Variants in MYO9B observed in about 807,000 individuals in gnomAD.
MYO9B encodes the protein unconventional myosin-IXb.
A neutral mutation model predicts 229.5 loss-of-function variants in MYO9B; 71 were observed. That is an observed-to-expected ratio of 0.31 (90% CI 0.26 to 0.38). MYO9B has a LOEUF of 0.38. MYO9B is among the 10% of genes least tolerant of loss of function. The pLI, the probability that MYO9B is intolerant of heterozygous loss-of-function variation, is 1.00. For missense variants in MYO9B, 2,255 were observed against 2,920.5 expected (o/e 0.77, Z 5.25); for synonymous variants, 1,185 against 1,235.8 (o/e 0.96, Z 0.86).
At chr19:17,142,902 A>G (rs2072359275) in intron 2 of MYO9B, among the ~76,000 whole-genome samples, 1 of 152,284 alleles carries the variant, frequency 6.6e-6, no homozygotes, top group African/African-American at 2.4e-5. Context: ...GTTACAACTG[A>G]AAAGAATTCA....
In MYO9B at chr19:17,207,199, A is replaced by G; in HGVS notation, c.5579A>G (p.Asn1860Ser). ...FAPCLLRCPD[N>S]SDPLTSMKDV... ...CCCTGCCTCCTGCGCTGCCCTGACAACTCGGACCCGCTGACCAGCATGAAG... is the reference window on the plus strand; with the variant it reads ...CCCTGCCTCCTGCGCTGCCCTGACAGCTCGGACCCGCTGACCAGCATGAAG... Residue 1860 changes from asparagine to serine, a missense_variant, in exon 35 of 40, where the codon AAC (asparagine) becomes AGC (serine). Around this residue, in one of 7 missense-constraint regions of MYO9B, gnomAD observed 416 missense variants for 605.5 expected, o/e 0.69. Coordinates refer to ENST00000682292, the MANE Select transcript of MYO9B (RefSeq NM_004145.4). 1 of 1,602,396 alleles carries G rather than the reference A, an allele frequency of 6.2e-7. No individual in the cohort carries two copies. Among genetic ancestry groups the G allele is most frequent in the Non-Finnish European group, 8.5e-7 (1 of 1,175,640 alleles).
chr19:17,183,639 C>T (rs2072885137), intron 15 of MYO9B, 190 bp from the exon 16 acceptor site: 1 of 584,132 alleles, frequency 1.7e-6, no homozygotes, highest in South Asian at 2.1e-5. Flanking sequence ...TGTCCACAGA[C>T]AGTGGCTGAG....
chr19:17,205,375 C>G (rs764259088), intron 31 of MYO9B, 39 bp downstream of exon 31: 2 of 1,577,916 alleles, frequency 1.3e-6, no homozygotes, highest in South Asian at 2.2e-5. Flanking sequence ...CAATGACACT[C>G]CACTCACGGC....
intron 38 of MYO9B, 42 bp from the exon 39 acceptor site, chr19:17,211,605 C>G (rs1214031138): frequency 6.5e-7 from 1 of 1,539,750 alleles, no homozygotes; most frequent in African/African-American, 1.4e-5. Flanking sequence ...CCCAGCACTT[C>G]CGGTGGGGTG....
intron 1 of MYO9B, among the ~76,000 whole-genome samples, chr19:17,081,556 C>A (rs973153722): frequency 1.3e-5 from 2 of 152,070 alleles, no homozygotes; most frequent in African/African-American, 4.8e-5. Context: ...CGCCTGTAAT[C>A]CCAGCACTTT....
intron 2 of MYO9B, among the ~76,000 whole-genome samples, chr19:17,120,095 T>C (rs1312481045): frequency 6.6e-6 from 1 of 151,510 alleles, no homozygotes; most frequent in Non-Finnish European, 1.5e-5. Flanking sequence ...CCATGATATG[T>C]CAAAGGCAGG....
At chr19:17,081,810 C>CAAA (rs5827357) in intron 1 of MYO9B, among the ~76,000 whole-genome samples, 4 of 69,884 alleles carry the variant, frequency 5.7e-5, no homozygotes, top group Admixed American at 1.7e-4. Context: ...GATCCCATCT[C>CAAA]AAAAAAAAAA....
chr19:17,118,660 T>G (rs2057931510), intron 2 of MYO9B, among the ~76,000 whole-genome samples: 1 of 152,022 alleles, frequency 6.6e-6, no homozygotes, highest in South Asian at 2.1e-4. Flanking sequence ...TTTTGTATTT[T>G]TTGGTAGAGA....
intron 8 of MYO9B, among the ~76,000 whole-genome samples, chr19:17,161,273 G>T (rs568874827): frequency 6.6e-6 from 1 of 152,236 alleles, no homozygotes; most frequent in South Asian, 2.1e-4. Context: ...GGAGCGTATG[G>T]AAAGGCTTCA....
intron 2 of MYO9B, among the ~76,000 whole-genome samples, chr19:17,114,813 A>G (rs1357509478): frequency 6.6e-6 from 1 of 151,954 alleles, no homozygotes; most frequent in African/African-American, 2.4e-5. Flanking sequence ...CCAGCAGGAA[A>G]CAAGTCAAGA....
chr19:17,160,997 AT>A lies in MYO9B; in HGVS notation c.1420-1339del, dbSNP rs751740995. On this transcript the variant is annotated intron_variant, in intron 8 of 39. Transcript: ENST00000682292. The stretch of plus-strand genomic sequence containing the variant: ...TACAGGCGTGAGCCACGGTGCCCAG[AT>A]TTTTTTTTTTTTTCCTTTTGCATCT... Among the ~76,000 whole-genome samples the A allele has an allele frequency of 1.5e-3, 208 of 141,488 alleles. 1 individual carries two copies. Among genetic ancestry groups the A allele is most frequent in the South Asian group, 4.0e-3 (18 of 4,516 alleles). 92.8% of individuals were successfully genotyped at this position (141,488 alleles called of 152,430 possible).
At chr19:17,190,567 G>C (rs986014266) in intron 19 of MYO9B, among the ~76,000 whole-genome samples, 1 of 150,930 alleles carries the variant, frequency 6.6e-6, no homozygotes, top group African/African-American at 2.4e-5. Context: ...GAGCCCAGGA[G>C]GTCAAGGCTG....
At chr19:17,143,531 C>G (rs1446779915) in intron 2 of MYO9B, among the ~76,000 whole-genome samples, 3 of 152,172 alleles carry the variant, frequency 2.0e-5, no homozygotes, top group African/African-American at 7.2e-5. Context: ...TTCTCACTTT[C>G]AAGTGGGAGC....
At chr19:17,143,376 C>T (rs1227049046) in intron 2 of MYO9B, among the ~76,000 whole-genome samples, 1 of 152,194 alleles carries the variant, frequency 6.6e-6, no homozygotes, top group Admixed American at 6.5e-5. Context: ...TTATAGCCTA[C>T]TGTCTTGGGG....
At position 17,172,897 on chromosome 19, in the gene MYO9B, A is replaced by C; in HGVS notation, c.2074A>C (p.Ile692Leu). 6.2e-7 allele frequency: 1 copy of C among 1,602,600 alleles called. No homozygotes were observed. Among genetic ancestry groups the C allele is most frequent in the Non-Finnish European group, 8.5e-7 (1 of 1,179,716 alleles). Residue 692 changes from isoleucine to leucine, a missense_variant, in exon 13 of 40, where the codon ATC becomes CTC. Around this residue, in one of 7 missense-constraint regions of MYO9B, gnomAD observed 155 missense variants for 159.1 expected, o/e 0.97. Coordinates refer to ENST00000682292, the MANE Select transcript of MYO9B (RefSeq NM_004145.4). This position sits in a 1 kb window ranked among gnomAD's most constrained non-coding sequence, Gnocchi z 8.2. The stretch of plus-strand genomic sequence containing the variant: ...CCGCTGGGCCGTGCTCCGGGCTGCT[A>C]TCCGGGCCATGGCAGTGCTTCGGGA... Reference protein sequence around the residue: ...VFRWAVLRAAIRAMAVLREAG... With the variant: ...VFRWAVLRAALRAMAVLREAG...
chr19:17,107,607 C>T (rs2057804765), intron 2 of MYO9B, among the ~76,000 whole-genome samples: 1 of 152,196 alleles, frequency 6.6e-6, no homozygotes. Context: ...CACGGGGCCG[C>T]ACTCCCTCCC....
intron 13 of MYO9B, 145 bp from the exon 14 acceptor site, chr19:17,175,518 G>A (rs1378144083): frequency 1.8e-6 from 1 of 541,874 alleles, no homozygotes; most frequent in East Asian, 3.5e-5. Context: ...GGCAGAAGTT[G>A]CAGTGGGCCG....
chr19:17,076,297 G>T (rs920284656), intron 1 of MYO9B, among the ~76,000 whole-genome samples: 4 of 151,972 alleles, frequency 2.6e-5, no homozygotes, highest in Non-Finnish European at 4.4e-5. Flanking sequence ...GACCGATCTG[G>T]GGACGTCTGC....
chr19:17,195,622 C>G lies in MYO9B; in HGVS notation c.4046+149C>G. On this transcript the variant is annotated intron_variant, in intron 22 of 39. Coordinates refer to ENST00000682292, the MANE Select transcript of MYO9B (RefSeq NM_004145.4). The surrounding 1 kb of genome is among the most constrained non-coding windows in gnomAD (Gnocchi z 4.5). ...GAGGGAGGAGGACGAGCAGGACATG[C>G]TAAAGACCAAGTGAAGACAAGGCAG... The G allele has an allele frequency of 1.8e-6, 2 of 1,094,550 alleles. No individual in the cohort carries two copies. Among genetic ancestry groups the G allele is most frequent in the Non-Finnish European group, 2.6e-6 (2 of 777,610 alleles). The allele number at this position is 1,094,550 out of a possible 1,614,324, so 67.8% of individuals were successfully genotyped here.
Sources: allele counts gnomAD v4.1 joint callset (sites outside exome capture counted in the v4.1 genomes callset), GRCh38; gene constraint gnomAD v4.1.1; regional missense constraint gnomAD v4.1.1; non-coding constraint Gnocchi (gnomAD v3.1); transcripts MANE v1.5; gene names NCBI Gene and HGNC (gene_info 2026-07-23, HGNC 2026-07-21).